Variants in FOXP1 observed in about 807,000 individuals in gnomAD.
FOXP1 encodes forkhead box P1.
In FOXP1, 15 loss-of-function variants were observed where a neutral mutation model predicts 98.2. The ratio of observed to expected loss-of-function variants is 0.15; its 90% confidence interval spans 0.10 to 0.24. The LOEUF (loss-of-function observed/expected upper bound fraction) is 0.24. Ranked by LOEUF, FOXP1 falls within the 10% of genes least tolerant of loss-of-function variation. FOXP1 has a pLI of 1.00. For synonymous variants in FOXP1, 371 were observed against 314.5 expected (o/e 1.18, Z -1.90); for missense variants, 633 against 848.5 (o/e 0.75, Z 3.15).
intron 1 of FOXP1, among the ~76,000 whole-genome samples, chr3:71,583,238 A>ACCGCCC (rs1053708258): frequency 2.0e-5 from 3 of 151,838 alleles, no homozygotes; most frequent in African/African-American, 7.3e-5. Context: ...CACAGTCGCC[A>ACCGCCC]CCGCCCCCGC....
chr3:71,272,795 C>T (rs1408784208), intron 5 of FOXP1, among the ~76,000 whole-genome samples: 4 of 152,082 alleles, frequency 2.6e-5, no homozygotes, highest in Admixed American at 6.6e-5. Flanking sequence ...ATTTTTTTGA[C>T]TGGAAAGTCT....
intron 6 of FOXP1, among the ~76,000 whole-genome samples, chr3:71,143,682 C>G (rs2060173979): frequency 6.6e-6 from 1 of 152,094 alleles, no homozygotes; most frequent in Non-Finnish European, 1.5e-5. Context: ...TCGCTTGAGC[C>G]CAGGAGTTAG....
intron 2 of FOXP1, among the ~76,000 whole-genome samples, chr3:71,558,675 A>G (rs1363608591): frequency 6.7e-6 from 1 of 150,006 alleles, no homozygotes; most frequent in African/African-American, 2.5e-5. Context: ...TTGTATTTTT[A>G]GTAGAGACGG....
intron 5 of FOXP1, among the ~76,000 whole-genome samples, chr3:71,271,067 C>G (rs1351879200): frequency 6.6e-6 from 1 of 152,172 alleles, no homozygotes; most frequent in Non-Finnish European, 1.5e-5. Context: ...CCCGACTCTG[C>G]TAAAAATACA....
intron 6 of FOXP1, among the ~76,000 whole-genome samples, chr3:71,178,649 C>T (rs1053756577): frequency 6.6e-5 from 10 of 151,332 alleles, no homozygotes; most frequent in African/African-American, 1.9e-4. Flanking sequence ...TTTGGGAGGC[C>T]GAGGCAGGCG....
intron 6 of FOXP1, among the ~76,000 whole-genome samples, chr3:71,175,134 G>C (rs1363899244): frequency 6.6e-6 from 1 of 152,058 alleles, no homozygotes; most frequent in Non-Finnish European, 1.5e-5. Context: ...GGCTGGTCTC[G>C]AACTCCTGAC....
intron 7 of FOXP1, among the ~76,000 whole-genome samples, chr3:71,076,968 A>G (rs1246263527): frequency 6.6e-6 from 1 of 152,266 alleles, no homozygotes; most frequent in African/African-American, 2.4e-5. Flanking sequence ...TTGAAGGGCT[A>G]ATCTAACATT....
At chr3:71,197,830 T>C in intron 6 of FOXP1, 1 of 1,559,836 alleles carries the variant, frequency 6.4e-7, no homozygotes, top group Non-Finnish European at 8.8e-7. Flanking sequence ...TTCACAGGCT[T>C]AAGCCTGTTT....
intron 3 of FOXP1, among the ~76,000 whole-genome samples, chr3:71,363,461 A>G (rs1338487732): frequency 1.3e-5 from 2 of 152,248 alleles, no homozygotes; most frequent in Admixed American, 6.5e-5. Flanking sequence ...TAGAACGCCA[A>G]AATGCCTAAA....
intron 2 of FOXP1, chr3:71,543,443 C>T (rs6790644): frequency 0.29 from 44,234 of 152,380 alleles, 7,617 homozygotes; most frequent in Non-Finnish European, 0.39. Flanking sequence ...TTAGCAGTGG[C>T]GACTCCTGCT....
intron 2 of FOXP1, among the ~76,000 whole-genome samples, chr3:71,505,980 C>T (rs1021003288): frequency 1.3e-5 from 2 of 152,202 alleles, no homozygotes; most frequent in South Asian, 4.1e-4. Context: ...CACAGTCTGC[C>T]TCTCTGGGCA....
intron 12 of FOXP1, among the ~76,000 whole-genome samples, chr3:71,006,409 T>C (rs1008045794): frequency 2.0e-5 from 3 of 152,050 alleles, no homozygotes; most frequent in African/African-American, 7.2e-5. Flanking sequence ...GTACCGCAGG[T>C]GATAAAACTC....
rs2052331416 is a variant in FOXP1 at position 71,065,306 on chromosome 3, TGACA to T, written c.283-11537_283-11534del. ...GGCGTGTTTGTTTCGTCTTTGAGACTGACAAAGAGTTGTCCTAACCTTTCCGAGA... is the reference window on the plus strand; with the variant it reads ...GGCGTGTTTGTTTCGTCTTTGAGACTAAGAGTTGTCCTAACCTTTCCGAGA... On this transcript the variant is annotated intron_variant, in intron 7 of 20. Transcript: ENST00000649528. Among the ~76,000 whole-genome samples, 5 of 152,234 alleles carry T rather than the reference TGACA, an allele frequency of 3.3e-5. 1 individual carries two copies. In the South Asian group the frequency reaches 1.0e-3, roughly 32 times the overall value.
intron 9 of FOXP1, 41 bp from the exon 10 acceptor site, chr3:71,047,136 C>G (rs1420240136): frequency 6.2e-7 from 1 of 1,611,850 alleles, no homozygotes; most frequent in Non-Finnish European, 8.5e-7. Flanking sequence ...GGCCACTTCC[C>G]AAGGAAGGTT....
intron 6 of FOXP1, among the ~76,000 whole-genome samples, chr3:71,148,115 G>A (rs2686278): frequency 2.6e-5 from 4 of 152,198 alleles, no homozygotes; most frequent in Non-Finnish European, 5.9e-5. Flanking sequence ...GGTGGCTCAC[G>A]CCTGTAATCC....
At chr3:71,478,969 G>A (rs1328519314) in intron 3 of FOXP1, among the ~76,000 whole-genome samples, 2 of 152,176 alleles carry the variant, frequency 1.3e-5, no homozygotes, top group African/African-American at 4.8e-5. Context: ...AGAAAATGAA[G>A]TACACCATCC....
intron 2 of FOXP1, among the ~76,000 whole-genome samples, chr3:71,555,448 C>T (rs1460617007): frequency 6.6e-6 from 1 of 152,212 alleles, no homozygotes; most frequent in Non-Finnish European, 1.5e-5. Context: ...ATAGGAACTG[C>T]ACATAGTCTC....
intron 5 of FOXP1, among the ~76,000 whole-genome samples, chr3:71,260,555 T>C (rs2069038045): frequency 6.9e-6 from 1 of 144,888 alleles, no homozygotes; most frequent in East Asian, 2.0e-4. Context: ...TTTTTTTTCC[T>C]GAGAAGGATT....
chr3:70,962,379 G>C (rs1294261982), intron 20 of FOXP1, among the ~76,000 whole-genome samples: 1 of 152,156 alleles, frequency 6.6e-6, no homozygotes, highest in Non-Finnish European at 1.5e-5. Flanking sequence ...AATTGTTAGA[G>C]CAAAGGCCAA....
Sources: allele counts gnomAD v4.1 joint callset (sites outside exome capture counted in the v4.1 genomes callset), GRCh38; gene constraint gnomAD v4.1.1; transcripts MANE v1.5; gene names NCBI Gene and HGNC (gene_info 2026-07-23, HGNC 2026-07-21).